The following HIBCH variants were observed in gnomAD, a reference collection of about 807,000 sequenced individuals.
The protein encoded by HIBCH is 3-hydroxyisobutyryl-CoA hydrolase, mitochondrial.
In HIBCH, 50 loss-of-function variants were observed where a neutral mutation model predicts 58.2. The ratio of observed to expected loss-of-function variants is 0.86; its 90% confidence interval spans 0.68 to 1.09. The LOEUF (loss-of-function observed/expected upper bound fraction) is 1.09, where lower values mean the gene tolerates loss of function less well. Among genes scored for constraint, HIBCH ranks in the 50% least tolerant of loss-of-function variants. The pLI is 0.00. For synonymous variants in HIBCH, 151 were observed against 146.9 expected (o/e 1.03, Z -0.20); for missense variants, 450 against 449.7 (o/e 1.00, Z -0.01).
At position 190,215,053 on chromosome 2, in the gene HIBCH, T is replaced by G. The variant is rs546151731; in HGVS notation, c.892-1978A>C. On this transcript the variant is annotated intron_variant, in intron 11 of 13. Coordinates refer to ENST00000359678, the MANE Select transcript of HIBCH (RefSeq NM_014362.4). The surrounding 1 kb of genome is among the most constrained non-coding windows in gnomAD (Gnocchi z 4.4). The stretch of plus-strand genomic sequence containing the variant: ...CTAACAAGTACTGAGGTTAGGAATT[T>G]TAAAAAGGAAATGAGGCCATTCTTG... The G allele has an allele frequency of 6.6e-6, 1 of 152,318 alleles. No homozygotes were observed. The highest frequency in any genetic ancestry group is 1.9e-4 in the East Asian group (1 of 5,184). 9.4% of individuals were successfully genotyped at this position (152,318 alleles called of 1,614,324 possible).
rs1234163139 is a variant in HIBCH, at chr2:190,281,720, T to C, written c.438+5866A>G. On this transcript the variant is annotated intron_variant, in intron 6 of 13. Coordinates refer to ENST00000359678, the MANE Select transcript of HIBCH (RefSeq NM_014362.4). This position sits in a 1 kb window ranked among gnomAD's most constrained non-coding sequence, Gnocchi z 5.4. ...TTCCCTTTTGATTATAAATTTCATCTTCAGTCATTTTTTTCCCTCTCACAG... is the reference window on the plus strand; with the variant it reads ...TTCCCTTTTGATTATAAATTTCATCCTCAGTCATTTTTTTCCCTCTCACAG... Among the ~76,000 whole-genome samples, 3 of 152,222 alleles carry C rather than the reference T, an allele frequency of 2.0e-5. No homozygotes were observed. Among genetic ancestry groups the C allele is most frequent in the Non-Finnish European group, 2.9e-5 (2 of 68,040 alleles).
At chr2:190,219,656 C>A (rs1163373277) in intron 11 of HIBCH, among the ~76,000 whole-genome samples, 1 of 152,114 alleles carries the variant, frequency 6.6e-6, no homozygotes, top group African/African-American at 2.4e-5. Context: ...TAAAAACACA[C>A]CTAAAGCCCT....
At chr2:190,194,503 C>A (rs1356747294) in intron 1 of HIBCH, among the ~76,000 whole-genome samples, 2 of 151,642 alleles carry the variant, frequency 1.3e-5, no homozygotes, top group Admixed American at 1.3e-4. Flanking sequence ...CACACACACA[C>A]ACACACACAC....
chr2:190,290,068 G>T (rs567832656), intron 5 of HIBCH, among the ~76,000 whole-genome samples: 1 of 151,964 alleles, frequency 6.6e-6, no homozygotes, highest in Non-Finnish European at 1.5e-5. Context: ...TAGTAGAGAC[G>T]GGGTTTCAGC....
intron 1 of HIBCH, among the ~76,000 whole-genome samples, chr2:190,196,890 C>G (rs1690005424): frequency 6.6e-6 from 1 of 152,112 alleles, no homozygotes; most frequent in African/African-American, 2.4e-5. Context: ...ATACCAGAGA[C>G]TAGTATGGAG....
chr2:190,314,983 T>C (rs1688677789), intron 1 of HIBCH, among the ~76,000 whole-genome samples: 1 of 151,938 alleles, frequency 6.6e-6, no homozygotes, highest in East Asian at 1.9e-4. Flanking sequence ...AGTCTCTCTC[T>C]GTCGCCCAGG....
rs1473110203 is a variant in HIBCH at position 190,210,856 on chromosome 2, T to A, written c.1012-1943A>T. On this transcript the variant is annotated intron_variant, in intron 12 of 13. Transcript: ENST00000359678. This position sits in a 1 kb window ranked among gnomAD's most constrained non-coding sequence, Gnocchi z 5.5. ...TTCCTTACTTCTTTCAGGAATTCAC[T>A]CAAAGAACATCTCAGTGAGGCCTTC... Among the ~76,000 whole-genome samples the A allele has an allele frequency of 6.6e-6, 1 of 152,182 alleles. No individual in the cohort carries two copies. Among genetic ancestry groups the A allele is most frequent in the African/African-American group, 2.4e-5 (1 of 41,442 alleles).
chr2:190,222,171 C>T (rs1176218128), intron 11 of HIBCH, among the ~76,000 whole-genome samples: 4 of 152,164 alleles, frequency 2.6e-5, no homozygotes, highest in African/African-American at 4.8e-5. Context: ...GTTTTGCTCC[C>T]GTCAGTGCCC....
intron 7 of HIBCH, chr2:190,260,405 T>C (rs1687055191): frequency 6.6e-6 from 1 of 152,152 alleles, no homozygotes. Flanking sequence ...CTTACATAAA[T>C]GAAGAATTAT....
At chr2:190,221,071 C>T (rs1486184090) in intron 11 of HIBCH, among the ~76,000 whole-genome samples, 1 of 148,246 alleles carries the variant, frequency 6.7e-6, no homozygotes, top group African/African-American at 2.4e-5. Flanking sequence ...GCACAGGACC[C>T]GTTTATCTGT....
intron 6 of HIBCH, among the ~76,000 whole-genome samples, chr2:190,267,298 G>A (rs932796221): frequency 6.6e-6 from 1 of 152,042 alleles, no homozygotes; most frequent in African/African-American, 2.4e-5. Flanking sequence ...TCTGTGTCCT[G>A]GGTTCAAGCA....
intron 11 of HIBCH, among the ~76,000 whole-genome samples, chr2:190,221,961 T>C (rs1187965837): frequency 1.3e-5 from 2 of 152,214 alleles, no homozygotes; most frequent in Non-Finnish European, 2.9e-5. Context: ...AATATGTTCA[T>C]GAGACCTCAT....
intron 6 of HIBCH, among the ~76,000 whole-genome samples, chr2:190,277,804 G>A (rs1687596101): frequency 6.6e-6 from 1 of 152,118 alleles, no homozygotes; most frequent in Non-Finnish European, 1.5e-5. Context: ...TAGCCAATCA[G>A]GTAATTTCTC....
chr2:190,318,303 G>A (rs1054313170), intron 1 of HIBCH, among the ~76,000 whole-genome samples: 4 of 151,994 alleles, frequency 2.6e-5, no homozygotes, highest in Admixed American at 6.5e-5. Context: ...AAGGAGAGGC[G>A]GTGGAGAGTG....
chr2:190,315,249 C>A lies in HIBCH; in HGVS notation c.36-4453G>T, dbSNP rs537525572. Among the ~76,000 whole-genome samples, 1 of 152,324 alleles carries A rather than the reference C, an allele frequency of 6.6e-6. No individual in the cohort carries two copies. Among genetic ancestry groups the A allele is most frequent in the Non-Finnish European group, 1.5e-5 (1 of 68,030 alleles). ...TACAGGCATGAGCCACTGTGCCCGG[C>A]CTGCTACTTCTAATTTCTTAATTAA... On this transcript the variant is annotated intron_variant, in intron 1 of 13. Coordinates refer to ENST00000359678, the MANE Select transcript of HIBCH (RefSeq NM_014362.4). This position sits in a 1 kb window ranked among gnomAD's most constrained non-coding sequence, Gnocchi z 5.4.
At chr2:190,200,589 A>AATCATAGTGAT (rs1283052969), downstream of HIBCH, 2 of 181,408 alleles carry the variant, frequency 1.1e-5, no homozygotes, top group Non-Finnish European at 2.6e-5. Context: ...ATGGCACTCA[A>AATCATAGTGAT]ATCATAGTGA....
chr2:190,232,802 C>A (rs1382222478), intron 11 of HIBCH, among the ~76,000 whole-genome samples: 2 of 151,868 alleles, frequency 1.3e-5, no homozygotes, highest in Non-Finnish European at 2.9e-5. Context: ...ACTAAAAGTA[C>A]AAAAAATTAG....
chr2:190,291,271 G>A (rs924507928), intron 4 of HIBCH, among the ~76,000 whole-genome samples: 3 of 152,164 alleles, frequency 2.0e-5, no homozygotes, highest in Non-Finnish European at 2.9e-5. Context: ...AATAAAGACA[G>A]CAACACAAGA....
In HIBCH at chr2:190,211,503, C is replaced by T. The variant is rs115612167; in HGVS notation, c.1011+1453G>A. Among the ~76,000 whole-genome samples, 429 of 152,212 alleles carry T rather than the reference C, an allele frequency of 2.8e-3. No homozygotes were observed. The highest frequency in any genetic ancestry group is 1.0e-2 in the African/African-American group (414 of 41,550). ...ATTTCCTTCTTAAAGCAAATTGAACCGAATGAAATGAAAAATCAAATCACC... is the reference window on the plus strand; with the variant it reads ...ATTTCCTTCTTAAAGCAAATTGAACTGAATGAAATGAAAAATCAAATCACC... On this transcript the variant is annotated intron_variant, in intron 12 of 13. Coordinates refer to ENST00000359678, the MANE Select transcript of HIBCH (RefSeq NM_014362.4). This position sits in a 1 kb window ranked among gnomAD's most constrained non-coding sequence, Gnocchi z 5.0.
Sources: allele counts gnomAD v4.1 joint callset (sites outside exome capture counted in the v4.1 genomes callset), GRCh38; gene constraint gnomAD v4.1.1; non-coding constraint Gnocchi (gnomAD v3.1); transcripts MANE v1.5; gene names NCBI Gene and HGNC (gene_info 2026-07-23, HGNC 2026-07-21).